Variants in PCDHGB4 observed in about 807,000 individuals in gnomAD.
PCDHGB4 encodes the protein protocadherin gamma-B4.
In PCDHGB4, 38 loss-of-function variants were observed where a neutral mutation model predicts 60.5. That is an observed-to-expected ratio of 0.63 (90% CI 0.48 to 0.82). PCDHGB4 has a LOEUF of 0.82. PCDHGB4 is among the 40% of genes least tolerant of loss of function. The pLI is 0.00. For missense variants in PCDHGB4, 1,109 were observed against 1,209.6 expected (o/e 0.92, Z 1.23); for synonymous variants, 456 against 509.7 (o/e 0.89, Z 1.42).
chr5:141,478,092 C>T (rs2099429960), intron 1 of PCDHGB4: 1 of 1,614,156 alleles, frequency 6.2e-7, no homozygotes, highest in Non-Finnish European at 8.5e-7. Flanking sequence ...CTCTCCACCA[C>T]TGCTACCCTC....
At chr5:141,437,195 A>G (rs2097867163) in intron 1 of PCDHGB4, among the ~76,000 whole-genome samples, 2 of 152,180 alleles carry the variant, frequency 1.3e-5, no homozygotes, top group African/African-American at 4.8e-5. Context: ...ATGGGTTTGG[A>G]TGTGTTTACA....
At chr5:141,495,544 T>C (rs971374249) in intron 2 of PCDHGB4, among the ~76,000 whole-genome samples, 5 of 152,220 alleles carry the variant, frequency 3.3e-5, no homozygotes, top group African/African-American at 7.2e-5. Context: ...CCTCAGTCTC[T>C]ATCTCGCTTT....
intron 1 of PCDHGB4, among the ~76,000 whole-genome samples, chr5:141,492,226 C>T (rs1365682179): frequency 6.6e-6 from 1 of 152,178 alleles, no homozygotes; most frequent in Non-Finnish European, 1.5e-5. Flanking sequence ...CATGCGTGTC[C>T]TCCCTGCTGG....
At chr5:141,474,426 C>T (rs2099349464) in intron 1 of PCDHGB4, among the ~76,000 whole-genome samples, 1 of 152,198 alleles carries the variant, frequency 6.6e-6, no homozygotes, top group Non-Finnish European at 1.5e-5. Context: ...ACCATTGGTC[C>T]TCACACTTTG....
chr5:141,449,588 CAAAAAA>C (rs768743917), intron 1 of PCDHGB4, among the ~76,000 whole-genome samples: 1 of 57,492 alleles, frequency 1.7e-5, no homozygotes, highest in Admixed American at 1.8e-4. Flanking sequence ...GACTCTGTCT[CAAAAAA>C]AAAAAAAAAA....
chr5:141,427,611 G>A (rs747386422), intron 1 of PCDHGB4: 22 of 691,570 alleles, frequency 3.2e-5, no homozygotes, highest in Non-Finnish European at 5.5e-5. Context: ...CATTGGTGAA[G>A]TCAACGACAA....
At position 141,421,041 on chromosome 5, in the gene PCDHGB4, C is replaced by T. The variant is rs963777669; in HGVS notation, c.2397+30760C>T. The T allele has an allele frequency of 1.8e-5, 10 of 546,514 alleles. No individual in the cohort carries two copies. The African/African-American group carries it at 1.9e-4, about 11-fold the overall frequency. 33.9% of individuals were successfully genotyped at this position (546,514 alleles called of 1,614,324 possible). A position where few individuals can be genotyped will look rare whatever the true frequency, so the allele number is the denominator to read the frequency against. ...CTGCGCGCCATTGAGTCCCTCCCTC[C>T]CCCGCCTCTACCACACAAAGCGGAA... On this transcript the variant is annotated intron_variant, in intron 1 of 3. Coordinates refer to ENST00000519479, the MANE Select transcript of PCDHGB4 (RefSeq NM_003736.4).
At chr5:141,443,759 A>G (rs1055796439) in intron 1 of PCDHGB4, among the ~76,000 whole-genome samples, 2 of 152,228 alleles carry the variant, frequency 1.3e-5, no homozygotes, top group African/African-American at 2.4e-5. Flanking sequence ...GAAGCTTACA[A>G]TATACAATAT....
Position 141,486,880 on chromosome 5 carries a change from G to T in PCDHGB4, c.2398-7927G>T. On this transcript the variant is annotated intron_variant, in intron 1 of 3. Transcript: ENST00000519479. The surrounding 1 kb of genome is among the most constrained non-coding windows in gnomAD (Gnocchi z 5.0). The stretch of plus-strand genomic sequence containing the variant: ...ATGCTCCAGCTGTGCTCCGTCCTCG[G>T]GCCCGGCCTGGTTCCTTATGTCCCC... The T allele has an allele frequency of 6.2e-7, 1 of 1,614,212 alleles. No homozygotes were observed. Among genetic ancestry groups the T allele is most frequent in the East Asian group, 2.2e-5 (1 of 44,882 alleles).
chr5:141,415,506 C>G, intron 1 of PCDHGB4: 1 of 1,614,148 alleles, frequency 6.2e-7, no homozygotes, highest in Non-Finnish European at 8.5e-7. Flanking sequence ...TCCCCCAGCC[C>G]AATTATGCGG....
At chr5:141,480,652 A>C (rs1488188393) in intron 1 of PCDHGB4, among the ~76,000 whole-genome samples, 4 of 152,220 alleles carry the variant, frequency 2.6e-5, no homozygotes, top group Non-Finnish European at 5.9e-5. Context: ...TTGGTTGCAC[A>C]TTAAAATCAC....
In PCDHGB4 at chr5:141,489,456, G is replaced by A. The variant is rs1468723020; in HGVS notation, c.2398-5351G>A. The A allele has an allele frequency of 1.2e-6, 2 of 1,614,050 alleles. No homozygotes were observed. Among genetic ancestry groups the A allele is most frequent in the Non-Finnish European group, 1.7e-6 (2 of 1,180,016 alleles). ...TGCAATTGGGCTCTGAGGAGAATGG[G>A]CGCTATTTTTCCCTGAGCTTGATGA... On this transcript the variant is annotated intron_variant, in intron 1 of 3. Transcript: ENST00000519479. This position sits in a 1 kb window ranked among gnomAD's most constrained non-coding sequence, Gnocchi z 4.5.
chr5:141,408,442 G>A lies in PCDHGB4; in HGVS notation c.2397+18161G>A, dbSNP rs774397781. On this transcript the variant is annotated intron_variant, in intron 1 of 3. Transcript: ENST00000519479. ...AGCTGCACTTCAGCGTAGACGCGGA[G>A]AGCGGGGACTTACTTGTGAAGAACC... is the stretch of plus-strand genomic sequence containing the variant. 8.7e-6 allele frequency: 14 copies of A among 1,614,080 alleles called. 1 individual carries two copies. The South Asian group carries it at 1.5e-4, about 18-fold the overall frequency.
In PCDHGB4 at chr5:141,432,751, G is replaced by A; in HGVS notation, c.2397+42470G>A. The A allele has an allele frequency of 6.2e-7, 1 of 1,614,130 alleles. No homozygotes were observed. Among genetic ancestry groups the A allele is most frequent in the Non-Finnish European group, 8.5e-7 (1 of 1,179,982 alleles). Reference sequence around the variant, plus strand: ...CCACTGTCACGCTCACCGTGGCCGTGGCCGACAGCATCCCCCAAGTCCTGG... The same window carrying A: ...CCACTGTCACGCTCACCGTGGCCGTAGCCGACAGCATCCCCCAAGTCCTGG... On this transcript the variant is annotated intron_variant, in intron 1 of 3. Transcript: ENST00000519479. This position sits in a 1 kb window ranked among gnomAD's most constrained non-coding sequence, Gnocchi z 6.0.
Position 141,389,113 on chromosome 5 carries a change from G to A in PCDHGB4, c.1229G>A (p.Arg410His). Residue 410 changes from arginine to histidine, a missense_variant, in exon 1 of 4, where the codon CGC (arginine) becomes CAC (histidine). By Grantham distance (29) the Arg-to-His change is conservative. Around this residue, in one of 2 missense-constraint regions of PCDHGB4, gnomAD observed 1,068 missense variants for 1,089.9 expected, o/e 0.98. Coordinates refer to ENST00000519479, the MANE Select transcript of PCDHGB4 (RefSeq NM_003736.4). ...TTAGTGACAGATGCTGTTCTAGACC[G>A]CGAGCAGAATCCAGAGTACAATATA... ...YKLVTDAVLD[R>H]EQNPEYNITV... is the part of the protein sequence containing the mutation. 6.2e-7 allele frequency: 1 copy of A among 1,613,970 alleles called. No individual in the cohort carries two copies. Among genetic ancestry groups the A allele is most frequent in the South Asian group, 1.1e-5 (1 of 91,082 alleles).
intron 2 of PCDHGB4, among the ~76,000 whole-genome samples, chr5:141,505,122 A>G (rs2099843899): frequency 6.6e-6 from 1 of 152,194 alleles, no homozygotes; most frequent in Non-Finnish European, 1.5e-5. Context: ...AGATCGCGCC[A>G]CTGCACTCCA....
chr5:141,468,599 G>C (rs1055715232), intron 1 of PCDHGB4: 7 of 152,236 alleles, frequency 4.6e-5, no homozygotes, highest in African/African-American at 1.4e-4. Flanking sequence ...GGGCGCGGTG[G>C]CTCACGCCTG....
intron 3 of PCDHGB4, among the ~76,000 whole-genome samples, chr5:141,506,402 G>C (rs1032556978): frequency 7.0e-6 from 1 of 143,732 alleles, no homozygotes; most frequent in African/African-American, 2.6e-5. Context: ...GCAGAAAATC[G>C]CACCACTGCA....
At chr5:141,408,623 G>C in intron 1 of PCDHGB4, 1 of 1,614,004 alleles carries the variant, frequency 6.2e-7, no homozygotes, top group Non-Finnish European at 8.5e-7. Flanking sequence ...AATACATTTA[G>C]AAATTTTCGA....
Sources: gnomAD v4.1 joint callset for allele counts (sites outside exome capture counted in the v4.1 genomes callset) on GRCh38, gnomAD v4.1.1 for gene constraint, gnomAD v4.1.1 regional missense constraint, Gnocchi (gnomAD v3.1) non-coding constraint, MANE v1.5 for transcripts, NCBI Gene and HGNC (gene_info 2026-07-23, HGNC 2026-07-21) for gene names.